SYNE2: variants seen among roughly 807,000 people sequenced by gnomAD.
SYNE2 encodes nesprin-2.
Under a neutral mutation model 856.3 loss-of-function variants are expected in SYNE2, and 431 were observed. The ratio of observed to expected loss-of-function variants is 0.50; its 90% CI spans 0.47 to 0.55. The LOEUF is 0.55. SYNE2 is among the 20% of genes least tolerant of loss of function. SYNE2 has a pLI of 0.00. For synonymous variants in SYNE2, 2,923 were observed against 2,872.3 expected, an observed-to-expected ratio of 1.02 and a Z score of -0.56; for missense variants, 8,129 against 8,023.2, an observed-to-expected ratio of 1.01 and a Z score of -0.50.
chr14:63,991,072 T>A lies in SYNE2; in HGVS notation c.2603T>A (p.Leu868Gln), dbSNP rs1172037710. 6.2e-7 allele frequency: 1 copy of A among 1,614,022 alleles called. No individual in the cohort carries two copies. The highest frequency in any genetic ancestry group is 1.7e-5 in the Admixed American group (1 of 59,998). The change falls in exon 21 of 116, where the codon CTG (leucine) becomes CAG (glutamine). Residue 868 changes from leucine (L) to glutamine (Q), a missense_variant. Physicochemically the swap from Leu to Gln is moderately radical, Grantham distance 113. Coordinates refer to ENST00000555002, the MANE Select transcript of SYNE2 (RefSeq NM_182914.3). ...ESYMMRAQQL[L>Q]GQRESPGELI... ...TATATGATGAGGGCTCAGCAGTTAC[T>A]GGGGCAAAGAGAGAGCCCCGGTGAA...
Position 63,982,707 on chromosome 14 carries a change from C to T in SYNE2, c.1914C>T (p.Val638=), listed in dbSNP as rs756044885. 1.4e-5 allele frequency: 23 copies of T among 1,613,956 alleles called. No homozygotes were observed. In the Middle Eastern group the frequency reaches 3.0e-3, roughly 208 times the overall value. Residue 638 remains valine (V), a synonymous_variant, in exon 17 of 116, where the codon GTC becomes GTT. Transcript: ENST00000555002. ...AAGCAGGAAATTTCTTAGTCGAAGTCAGCAATGATGTGGTTGGATCATCTA... is the reference window on the plus strand; with the variant it reads ...AAGCAGGAAATTTCTTAGTCGAAGTTAGCAATGATGTGGTTGGATCATCTA... ...LNEAGNFLVE[V]SNDVVGSSIS... is the part of the protein sequence containing the mutation.
intron 103 of SYNE2, among the ~76,000 whole-genome samples, chr14:64,210,546 C>T (rs1042606830): frequency 6.6e-6 from 1 of 152,278 alleles, no homozygotes; most frequent in Non-Finnish European, 1.5e-5. Flanking sequence ...GGACAAGGCA[C>T]GTGAATGCAA....
In SYNE2 at chr14:64,101,998, A is replaced by T; in HGVS notation, c.12448A>T (p.Met4150Leu). The T allele has an allele frequency of 1.9e-6, 3 of 1,614,122 alleles. No individual in the cohort carries two copies. Among genetic ancestry groups the T allele is most frequent in the Non-Finnish European group, 2.5e-6 (3 of 1,179,956 alleles). ...WSSLWKHDKD[M>L]EEDRASSSSG... is the part of the protein sequence containing the mutation. Reference sequence around the variant, plus strand: ...TTCACTTTGGAAGCATGACAAGGACATGGAAGAAGACAGAGCTTCCTCATC... The same window carrying T: ...TTCACTTTGGAAGCATGACAAGGACTTGGAAGAAGACAGAGCTTCCTCATC... Residue 4150 changes from methionine to leucine, a missense_variant, in exon 64 of 116, where the codon ATG (methionine) becomes TTG (leucine). By Grantham distance (15) the Met-to-Leu change is conservative. Coordinates refer to ENST00000555002, the MANE Select transcript of SYNE2 (RefSeq NM_182914.3).
chr14:64,203,913 C>A (rs749550497), intron 100 of SYNE2, among the ~76,000 whole-genome samples: 2 of 152,162 alleles, frequency 1.3e-5, no homozygotes, highest in Non-Finnish European at 2.9e-5. Flanking sequence ...GATGGAGTCT[C>A]ACTATATTGC....
chr14:64,113,980 G>A (rs1259949927), intron 66 of SYNE2, among the ~76,000 whole-genome samples: 1 of 152,100 alleles, frequency 6.6e-6, no homozygotes, highest in East Asian at 1.9e-4. Context: ...ATTTTTGTCA[G>A]GATTAAATAG....
chr14:64,105,308 CTT>C (rs1038760822), intron 64 of SYNE2, among the ~76,000 whole-genome samples: 1 of 151,774 alleles, frequency 6.6e-6, no homozygotes, highest in Admixed American at 6.6e-5. Flanking sequence ...AAAATGCAAA[CTT>C]AGCGTGACAT....
chr14:63,968,246 A>C (rs1320009736), intron 11 of SYNE2, among the ~76,000 whole-genome samples: 1 of 152,200 alleles, frequency 6.6e-6, no homozygotes, highest in Non-Finnish European at 1.5e-5. Context: ...AATTATGTAA[A>C]AGACAGTGTA....
At chr14:63,990,867 A>G in intron 20 of SYNE2, 75 bp from the exon 21 acceptor site, 1 of 1,231,064 alleles carries the variant, frequency 8.1e-7, no homozygotes, top group Admixed American at 1.8e-5. Context: ...TGGGAAAATA[A>G]CAAAGTATTT....
chr14:64,144,466 C>A (rs1242628339), intron 83 of SYNE2, among the ~76,000 whole-genome samples: 2 of 152,042 alleles, frequency 1.3e-5, no homozygotes, highest in African/African-American at 4.8e-5. Flanking sequence ...AATGGATTTA[C>A]ACAATTAAGA....
At position 64,165,279 on chromosome 14, in the gene SYNE2, T is replaced by C. The variant is rs747821642; in HGVS notation, c.16480-6T>C. ...TAGTTTCTAATGAAAATTTCTCTTG[T>C]TCTAGTTTGTTCTCTCACAGTTTAA... On this transcript the variant is annotated splice_region_variant and splice_polypyrimidine_tract_variant and intron_variant, in intron 89 of 115. Coordinates refer to ENST00000555002, the MANE Select transcript of SYNE2 (RefSeq NM_182914.3). 1 of 1,613,308 alleles carries C rather than the reference T, an allele frequency of 6.2e-7. No homozygotes were observed. Among genetic ancestry groups the C allele is most frequent in the South Asian group, 1.1e-5 (1 of 91,062 alleles).
chr14:64,081,740 A>T (rs919803639), intron 57 of SYNE2, among the ~76,000 whole-genome samples, 160 bp downstream of exon 57: 1 of 152,150 alleles, frequency 6.6e-6, no homozygotes, highest in Non-Finnish European at 1.5e-5. Flanking sequence ...CAAGCAGTAG[A>T]CATGGATTTT....
At position 63,999,007 on chromosome 14, in the gene SYNE2, T is replaced by G. The variant is rs753345165; in HGVS notation, c.3447T>G (p.Ser1149Arg). The G allele has an allele frequency of 1.9e-6, 3 of 1,613,882 alleles. No individual in the cohort carries two copies. The South Asian group carries it at 3.3e-5, about 18-fold the overall frequency. The change falls in exon 27 of 116, where the codon AGT (serine) becomes AGG (arginine). Residue 1149 changes from serine to arginine, a missense_variant. Transcript: ENST00000555002. ...TCTCTAGTGAAGAGGACAGGAGTAG[T>G]TCTTGTCTGCAGGCTAAACTGACAG... ...SDFSSEEDRS[S>R]SCLQAKLTDL... is the part of the protein sequence containing the mutation.
At chr14:63,839,992 G>A (rs1889994188) in intron 1 of SYNE2, among the ~76,000 whole-genome samples, 1 of 152,174 alleles carries the variant, frequency 6.6e-6, no homozygotes, top group Admixed American at 6.5e-5. Context: ...TTTGGGGCCG[G>A]GCACGGTGGC....
At chr14:63,974,851 CATGTGTGTGT>C (rs2096522500) in intron 11 of SYNE2, among the ~76,000 whole-genome samples, 38 of 52,744 alleles carry the variant, frequency 7.2e-4, no homozygotes, top group South Asian at 2.4e-3. Context: ...TGTGTGTGTA[CATGTGTGTGT>C]GTGTGTGTGT....
In SYNE2 at chr14:63,801,547, C is replaced by T. The variant is rs149237848; in HGVS notation, c.-305+39561C>T. 9.4e-3 allele frequency among the ~76,000 whole-genome samples: 1,432 copies of T among 152,000 alleles called. 52 individuals carry two copies. In the East Asian group the frequency reaches 0.13, roughly 14 times the overall value. On this transcript the variant is annotated intron_variant, in intron 1 of 23. Transcript: ENST00000674003. ...ATACAAAATTAGCTGGGCATGGTGG[C>T]GCATGCCTGTAATCCCAGCTACTCA...
intron 49 of SYNE2, among the ~76,000 whole-genome samples, chr14:64,059,424 A>G (rs1466473863): frequency 1.3e-5 from 2 of 152,224 alleles, no homozygotes; most frequent in Non-Finnish European, 2.9e-5. Context: ...TTGCAGAGTC[A>G]TAGAGCTACC....
At chr14:64,203,911 C>CTCACTATATATA (rs1387840057) in intron 100 of SYNE2, among the ~76,000 whole-genome samples, 2 of 152,136 alleles carry the variant, frequency 1.3e-5, no homozygotes, top group African/African-American at 4.8e-5. Flanking sequence ...GAGATGGAGT[C>CTCACTATATATA]TCACTATATT....
chr14:63,972,724 C>T (rs1330131473), intron 11 of SYNE2, among the ~76,000 whole-genome samples: 2 of 152,160 alleles, frequency 1.3e-5, no homozygotes, highest in African/African-American at 2.4e-5. Flanking sequence ...TTCTGTTCTT[C>T]GTCTTCTGCC....
chr14:63,827,638 A>AAACAAAAAAAAAAAAAAAAAAAAAAAAC (rs1248835913), intron 1 of SYNE2, among the ~76,000 whole-genome samples: 1 of 102,084 alleles, frequency 9.8e-6, no homozygotes, highest in Non-Finnish European at 2.1e-5. Flanking sequence ...AAAAAAAAAA[A>AAACAAAAAAAAAAAAAAAAAAAAAAAAC]AAAAAAAAAA....
Sources: gnomAD v4.1 joint callset for allele counts (sites outside exome capture counted in the v4.1 genomes callset) on GRCh38, gnomAD v4.1.1 for gene constraint, MANE v1.5 for transcripts, NCBI Gene and HGNC (gene_info 2026-07-23, HGNC 2026-07-21) for gene names.